The following AHRR variants were observed in gnomAD, a reference collection of about 807,000 sequenced individuals.
The protein encoded by AHRR is aryl hydrocarbon receptor repressor.
In AHRR, 28 loss-of-function variants were observed where a neutral mutation model predicts 44.0. The ratio of observed to expected loss-of-function variants is 0.64; its 90% CI spans 0.47 to 0.87. The LOEUF is 0.87. Ranked by LOEUF, AHRR falls within the 40% of genes least tolerant of loss-of-function variation. The pLI is 0.00. For missense variants in AHRR, 990 were observed against 953.9 expected (o/e 1.04, Z -0.50); for synonymous variants, 434 against 407.0 (o/e 1.07, Z -0.80).
chr5:390,277 C>T lies in AHRR; in HGVS notation c.351+13561C>T, dbSNP rs186148191. Among the ~76,000 whole-genome samples the T allele has an allele frequency of 5.7e-3, 874 of 152,260 alleles. 3 individuals carry two copies. Among genetic ancestry groups the T allele is most frequent in the Non-Finnish European group, 8.1e-3 (552 of 68,020 alleles). ...CTCCATGTGACCGTTATGCATCACA[C>T]GCCTGCATCAAAACATCTCAGACAC... On this transcript the variant is annotated intron_variant, in intron 4 of 10. Coordinates refer to ENST00000684583, the MANE Select transcript of AHRR (RefSeq NM_001377236.1).
At position 321,719 on chromosome 5, in the gene AHRR, G is replaced by T. The variant is rs1159604407; in HGVS notation, c.-111G>T. ...GTGGGGCAGTCCCTGGAGCCGCCGC[G>T]GGTTCCCGGGATGCGAGCGCCGGCA... On this transcript the variant is annotated 5_prime_UTR_variant, in exon 1 of 11. Coordinates refer to ENST00000684583, the MANE Select transcript of AHRR (RefSeq NM_001377236.1). This position sits in a 1 kb window ranked among gnomAD's most constrained non-coding sequence, Gnocchi z 8.3. 1 of 151,314 alleles carries T rather than the reference G, an allele frequency of 6.6e-6. No homozygotes were observed. Among genetic ancestry groups the T allele is most frequent in the Non-Finnish European group, 1.5e-5 (1 of 67,738 alleles). 9.4% of individuals were successfully genotyped at this position (151,314 alleles called of 1,614,324 possible). A position where few individuals can be genotyped will look rare whatever the true frequency, so the allele number is the denominator to read the frequency against.
Position 419,852 on chromosome 5 carries a change from T to C in AHRR, c.442-2877T>C, listed in dbSNP as rs920748841. ...GGGGAAGACCCAGGTTTCTGGGTCT[T>C]TGTTTCCTTGGTTTTGTGTTATGTG... On this transcript the variant is annotated intron_variant, in intron 5 of 10. Coordinates refer to ENST00000684583, the MANE Select transcript of AHRR (RefSeq NM_001377236.1). The surrounding 1 kb of genome is among the most constrained non-coding windows in gnomAD (Gnocchi z 4.4). 6.6e-6 allele frequency among the ~76,000 whole-genome samples: 1 copy of C among 152,228 alleles called. No individual in the cohort carries two copies. The highest frequency in any genetic ancestry group is 1.5e-5 in the Non-Finnish European group (1 of 68,042).
chr5:397,875 C>A (rs1294682956), intron 4 of AHRR, among the ~76,000 whole-genome samples: 1 of 102,220 alleles, frequency 9.8e-6, no homozygotes. Context: ...TCCCTGTTAG[C>A]CCCTGACCAT....
intron 2 of AHRR, among the ~76,000 whole-genome samples, chr5:348,238 T>C (rs1244197718): frequency 6.6e-6 from 1 of 151,988 alleles, no homozygotes; most frequent in Non-Finnish European, 1.5e-5. Flanking sequence ...GGAGCCTGTT[T>C]GATGCTCCTT....
At chr5:389,656 C>A (rs970370513) in intron 4 of AHRR, among the ~76,000 whole-genome samples, 5 of 152,018 alleles carry the variant, frequency 3.3e-5, no homozygotes, top group African/African-American at 1.2e-4. Context: ...AGCGTCAGAG[C>A]ACTGCACGCC....
At position 404,547 on chromosome 5, in the gene AHRR, C is replaced by G. The variant is rs1310971018; in HGVS notation, c.352-8797C>G. 3.3e-6 allele frequency: 1 copy of G among 305,818 alleles called. No homozygotes were observed. The highest frequency in any genetic ancestry group is 6.7e-6 in the Non-Finnish European group (1 of 149,678). 18.9% of individuals were successfully genotyped at this position (305,818 alleles called of 1,614,324 possible). On this transcript the variant is annotated intron_variant, in intron 4 of 10. Coordinates refer to ENST00000684583, the MANE Select transcript of AHRR (RefSeq NM_001377236.1). The surrounding 1 kb of genome is among the most constrained non-coding windows in gnomAD (Gnocchi z 4.1). ...ACCTCTTCAGAAAAAGAGCAGGCGT[C>G]CTGGGCCGGGGCAGGCGATTGGTAC...
chr5:340,688 A>ATATATATATATATTTTTTTTTTT (rs1269938749), intron 1 of AHRR, among the ~76,000 whole-genome samples: 1 of 12,928 alleles, frequency 7.7e-5, no homozygotes, highest in African/African-American at 4.0e-4. Context: ...ATATATATAT[A>ATATATATATATATTTTTTTTTTT]TTTTTTTTTT....
At chr5:386,615 T>C (rs961557286) in intron 4 of AHRR, among the ~76,000 whole-genome samples, 6 of 152,244 alleles carry the variant, frequency 3.9e-5, no homozygotes, top group African/African-American at 1.4e-4. Context: ...CTGCAGATTC[T>C]GGAGCACAGC....
chr5:330,815 A>G (rs1280485775), intron 1 of AHRR, among the ~76,000 whole-genome samples: 1 of 150,942 alleles, frequency 6.6e-6, no homozygotes, highest in Middle Eastern at 3.5e-3. Context: ...TTTTTGGAAC[A>G]GTTTCAGGAA....
At chr5:373,919 G>C (rs912581837) in intron 3 of AHRR, among the ~76,000 whole-genome samples, 3 of 151,012 alleles carry the variant, frequency 2.0e-5, no homozygotes, top group African/African-American at 7.3e-5. Context: ...CGGCGGCTGC[G>C]GGGGAAGTAG....
chr5:428,075 C>CA, intron 8 of AHRR, 69 bp downstream of exon 8: 2 of 1,486,714 alleles, frequency 1.3e-6, no homozygotes, highest in Non-Finnish European at 1.8e-6. Context: ...CCTCCACACT[C>CA]AGTGTTTTCT....
intron 8 of AHRR, among the ~76,000 whole-genome samples, chr5:428,304 G>A (rs544922907): frequency 6.3e-4 from 96 of 152,350 alleles, no homozygotes; most frequent in South Asian, 2.1e-4. Context: ...AAGAAAATGC[G>A]GAGCTGGCTG....
At position 422,825 on chromosome 5, in the gene AHRR, G is replaced by C. The variant is rs746420338; in HGVS notation, c.538G>C (p.Val180Leu). The part of the protein sequence containing the change: ...QLHWAMDPPQ[V>L]VFGQPPPLET... ...CCACTGGGCCATGGACCCTCCCCAG[G>C]TGGTGTTTGGGCAGCCCCCGCCCTT... The change falls in exon 6 of 11, where the codon GTG becomes CTG. Residue 180 changes from valine (V) to leucine (L), a missense_variant. Val to Leu is a conservative substitution (Grantham distance 32, BLOSUM62 1). Coordinates refer to ENST00000684583, the MANE Select transcript of AHRR (RefSeq NM_001377236.1). 3 of 1,614,014 alleles carry C rather than the reference G, an allele frequency of 1.9e-6. No individual in the cohort carries two copies. Among genetic ancestry groups the C allele is most frequent in the Admixed American group, 1.7e-5 (1 of 60,008 alleles).
chr5:421,353 C>T (rs1579699121), intron 5 of AHRR: 2 of 683,994 alleles, frequency 2.9e-6, no homozygotes, highest in East Asian at 2.8e-5. Flanking sequence ...GGGTATCATC[C>T]CTCCACGTGG....
intron 3 of AHRR, among the ~76,000 whole-genome samples, chr5:355,780 G>T (rs1743017794): frequency 6.6e-6 from 1 of 152,232 alleles, no homozygotes; most frequent in Non-Finnish European, 1.5e-5. Flanking sequence ...CCTGCTGGGA[G>T]GTGCCCACCT....
At position 404,301 on chromosome 5, in the gene AHRR, A is replaced by T. The variant is rs753435630; in HGVS notation, c.352-9043A>T. 1 of 490,150 alleles carries T rather than the reference A, an allele frequency of 2.0e-6. No individual in the cohort carries two copies. The highest frequency in any genetic ancestry group is 2.0e-5 in the African/African-American group (1 of 49,928). 30.4% of individuals were successfully genotyped at this position (490,150 alleles called of 1,614,324 possible). A position where few individuals can be genotyped will look rare whatever the true frequency, so the allele number is the denominator to read the frequency against. On this transcript the variant is annotated intron_variant, in intron 4 of 10. Transcript: ENST00000684583. The surrounding 1 kb of genome is among the most constrained non-coding windows in gnomAD (Gnocchi z 4.1). Reference sequence around the variant, plus strand: ...TCATCAAACATGTGAATAATTCGCTAATTTTTCTTCCAGTGTTACTAAAAG... The same window carrying T: ...TCATCAAACATGTGAATAATTCGCTTATTTTTCTTCCAGTGTTACTAAAAG...
At chr5:402,294 G>A (rs538836835) in intron 4 of AHRR, among the ~76,000 whole-genome samples, 21 of 152,172 alleles carry the variant, frequency 1.4e-4, no homozygotes, top group Admixed American at 9.8e-4. Context: ...GAAGGCAGTC[G>A]TTGATGAGGG....
At chr5:375,110 CCA>C (rs1036328819) in intron 3 of AHRR, among the ~76,000 whole-genome samples, 3 of 152,222 alleles carry the variant, frequency 2.0e-5, no homozygotes, top group Non-Finnish European at 4.4e-5. Context: ...GAGGTTCAGG[CCA>C]CACACATTTC....
chr5:435,009 T>G lies in AHRR; in HGVS notation c.*175T>G. The G allele has an allele frequency of 1.1e-6, 1 of 898,888 alleles. No individual in the cohort carries two copies. The highest frequency in any genetic ancestry group is 1.6e-6 in the Non-Finnish European group (1 of 617,502). The allele number at this position is 898,888 out of a possible 1,614,324, so 55.7% of individuals were successfully genotyped here. A position where few individuals can be genotyped will look rare whatever the true frequency, so the allele number is the denominator to read the frequency against. ...AGCATACGCAGGAGCCTATCCTGAA[T>G]TTTGTAAAATATCCCAACAGTTCTT... On this transcript the variant is annotated 3_prime_UTR_variant, in exon 11 of 11. Transcript: ENST00000684583.
Sources: allele counts gnomAD v4.1 joint callset (sites outside exome capture counted in the v4.1 genomes callset), GRCh38; gene constraint gnomAD v4.1.1; non-coding constraint Gnocchi (gnomAD v3.1); transcripts MANE v1.5; gene names NCBI Gene and HGNC (gene_info 2026-07-23, HGNC 2026-07-21).